ZNF469: variants seen among roughly 807,000 people sequenced by gnomAD.
The protein encoded by ZNF469 is zinc finger protein 469.
Under a neutral mutation model 1.0 loss-of-function variants are expected in ZNF469, and 1 was observed. The ratio of observed to expected loss-of-function variants is 1.00; its 90% CI spans 0.35 to 4.73. The LOEUF is 4.73. Ranked by LOEUF, ZNF469 falls within the 30% of genes most tolerant of loss-of-function variation. The pLI is 0.16. For synonymous variants in ZNF469, 2,703 were observed against 2,363.4 expected (o/e 1.14, Z -4.17); for missense variants, 6,100 against 5,356.3 (o/e 1.14, Z -4.33).
At chr16:88,103,113 C>T in the ZNF469 span, among the ~76,000 whole-genome samples, 3 of 152,234 alleles carry the variant, frequency 2.0e-5, no homozygotes, top group Non-Finnish European at 2.9e-5. Flanking sequence ...ACTGCAGTGG[C>T]CGGTTTCTGG....
chr16:88,414,711 G>A (rs894169197), intron 1 of ZNF469, among the ~76,000 whole-genome samples: 2 of 152,238 alleles, frequency 1.3e-5, no homozygotes, highest in African/African-American at 2.4e-5. Flanking sequence ...ACGTCCCAGT[G>A]GGGGGTAACT....
the ZNF469 span, among the ~76,000 whole-genome samples, chr16:88,372,598 C>A: frequency 6.7e-6 from 1 of 149,828 alleles, no homozygotes; most frequent in African/African-American, 2.5e-5. Flanking sequence ...ATCATCATTA[C>A]CACCGTCATC....
chr16:88,438,864 G>T lies in ZNF469; in HGVS notation c.11394G>T (p.Glu3798Asp), dbSNP rs1026063813. ...SCTKGPREAG[E>D]QGPHGSLGPK... ...CCAAGGGGCCAAGGGAAGCTGGTGA[G>T]CAGGGGCCCCACGGGAGCCTAGGTC... is the stretch of plus-strand genomic sequence containing the variant. The change falls in exon 3 of 3, where the codon GAG (glutamate) becomes GAT (aspartate). Residue 3798 changes from glutamate (E) to aspartate (D), a missense_variant. By Grantham distance (45) the Glu-to-Asp change is conservative. Coordinates refer to ENST00000565624, the MANE Select transcript of ZNF469 (RefSeq NM_001367624.2). 9.0e-6 allele frequency: 14 copies of T among 1,550,360 alleles called. No homozygotes were observed. In the Admixed American group the frequency reaches 1.4e-4, roughly 15 times the overall value.
chr16:88,322,326 C>T, the ZNF469 span, among the ~76,000 whole-genome samples: 8 of 152,236 alleles, frequency 5.3e-5, no homozygotes, highest in Admixed American at 5.2e-4. Context: ...CCAGCTCTGC[C>T]AGTACCTGGA....
the ZNF469 span, among the ~76,000 whole-genome samples, chr16:88,232,296 A>T: frequency 1.1e-4 from 17 of 152,278 alleles, no homozygotes; most frequent in Admixed American, 9.2e-4. Context: ...GATTACCTGG[A>T]TGTTTAGAAC....
upstream of ZNF469, among the ~76,000 whole-genome samples, chr16:88,381,623 T>G (rs1401658328): frequency 1.3e-5 from 2 of 152,214 alleles, no homozygotes; most frequent in Non-Finnish European, 2.9e-5. Flanking sequence ...CCATTTTCCA[T>G]GGAAAGGGAG....
the ZNF469 span, among the ~76,000 whole-genome samples, chr16:88,233,659 A>T: frequency 5.3e-4 from 80 of 152,340 alleles, no homozygotes; most frequent in African/African-American, 1.8e-3. Context: ...CCTCAGCCCC[A>T]TGACTCTCCC....
the ZNF469 span, among the ~76,000 whole-genome samples, chr16:88,229,606 T>TGTGGATGTCACAC: frequency 3.7e-3 from 242 of 65,922 alleles, 2 homozygotes; most frequent in Non-Finnish European, 2.7e-3. Context: ...ATGTCACGCG[T>TGTGGATGTCACAC]GTGTGCTGAT....
At chr16:88,121,466 A>G in the ZNF469 span, among the ~76,000 whole-genome samples, 2 of 152,210 alleles carry the variant, frequency 1.3e-5, no homozygotes, top group Non-Finnish European at 2.9e-5. Context: ...GAACTTCCAG[A>G]ATGAAACGTT....
At chr16:88,101,688 C>T in the ZNF469 span, among the ~76,000 whole-genome samples, 3 of 152,194 alleles carry the variant, frequency 2.0e-5, no homozygotes, top group East Asian at 3.9e-4. Context: ...AGTGCCTTTA[C>T]GATATTTATA....
chr16:88,227,019 GGCCTGCGCGTTTCC>G, the ZNF469 span, among the ~76,000 whole-genome samples: 1 of 149,158 alleles, frequency 6.7e-6, no homozygotes. Flanking sequence ...TCCGCGCCGG[GGCCTGCGCGTTTCC>G]ACCCGTGCCT....
chr16:88,318,391 C>A, the ZNF469 span, among the ~76,000 whole-genome samples: 101 of 152,344 alleles, frequency 6.6e-4, no homozygotes, highest in Non-Finnish European at 1.1e-3. Context: ...TGTGCCCATT[C>A]GGTAAGCGGG....
the ZNF469 span, among the ~76,000 whole-genome samples, chr16:88,254,938 C>A: frequency 6.6e-6 from 1 of 151,966 alleles, no homozygotes; most frequent in Non-Finnish European, 1.5e-5. Context: ...GTGTTTGAAT[C>A]CATGAACATG....
chr16:88,104,598 T>C, the ZNF469 span, among the ~76,000 whole-genome samples: 2 of 152,296 alleles, frequency 1.3e-5, no homozygotes, highest in South Asian at 4.1e-4. Flanking sequence ...CCTTTGGGAG[T>C]GTCTCCCTCG....
At chr16:88,167,079 T>TA in the ZNF469 span, among the ~76,000 whole-genome samples, 2 of 120,476 alleles carry the variant, frequency 1.7e-5, no homozygotes, top group Non-Finnish European at 3.5e-5. Context: ...TTTTTTTTTC[T>TA]AAGAGGGAAA....
At chr16:88,206,239 C>G in the ZNF469 span, among the ~76,000 whole-genome samples, 1 of 152,348 alleles carries the variant, frequency 6.6e-6, no homozygotes, top group Admixed American at 6.5e-5. Flanking sequence ...GCCAGGACTT[C>G]ACTTGCCGTG....
the ZNF469 span, among the ~76,000 whole-genome samples, chr16:88,319,513 G>T: frequency 6.6e-6 from 1 of 152,142 alleles, no homozygotes; most frequent in Non-Finnish European, 1.5e-5. Context: ...GATGCGCCCG[G>T]GTCCTGCCAA....
intron 1 of ZNF469, among the ~76,000 whole-genome samples, chr16:88,409,745 A>G (rs1230822979): frequency 6.6e-6 from 1 of 152,186 alleles, no homozygotes; most frequent in Non-Finnish European, 1.5e-5. Context: ...TCGGTAAAGC[A>G]GGCCGGGGCC....
the ZNF469 span, among the ~76,000 whole-genome samples, chr16:88,109,240 G>A: frequency 6.6e-6 from 1 of 152,154 alleles, no homozygotes; most frequent in African/African-American, 2.4e-5. Context: ...TGTGGGTGAG[G>A]CCCCAACAGT....
Sources: allele counts gnomAD v4.1 joint callset (sites outside exome capture counted in the v4.1 genomes callset), GRCh38; gene constraint gnomAD v4.1.1; transcripts MANE v1.5; gene names NCBI Gene and HGNC (gene_info 2026-07-23, HGNC 2026-07-21).